Variants in NRCAM observed in about 807,000 individuals in gnomAD.
NRCAM encodes NgCAM-related cell adhesion molecule.
A neutral mutation model predicts 156.5 loss-of-function variants in NRCAM; 83 were observed. The ratio of observed to expected loss-of-function variants is 0.53; its 90% CI spans 0.44 to 0.64. The LOEUF (loss-of-function observed/expected upper bound fraction) is 0.64. Among genes scored for constraint, NRCAM ranks in the 30% least tolerant of loss-of-function variants. NRCAM has a pLI of 0.00. For missense variants in NRCAM, 1,417 were observed against 1,597.3 expected (o/e 0.89, Z 1.92); for synonymous variants, 538 against 563.9 (o/e 0.95, Z 0.65).
At chr7:108,159,402 T>C in intron 32 of NRCAM, 61 bp downstream of exon 32, 1 of 1,429,522 alleles carries the variant, frequency 7.0e-7, no homozygotes, top group South Asian at 1.2e-5. Flanking sequence ...GGCTGAGTTC[T>C]ATTCTCGGGA....
chr7:108,409,913 ATCTT>A (rs1291596054), intron 1 of NRCAM, among the ~76,000 whole-genome samples: 5 of 152,186 alleles, frequency 3.3e-5, no homozygotes, highest in African/African-American at 1.2e-4. Flanking sequence ...TGCATATTAT[ATCTT>A]TCTTTTTAAA....
At chr7:108,212,634 G>A (rs896933069) in intron 11 of NRCAM, among the ~76,000 whole-genome samples, 1 of 152,082 alleles carries the variant, frequency 6.6e-6, no homozygotes, top group Admixed American at 6.5e-5. Flanking sequence ...AACTGAACAA[G>A]TAGAAGAGAG....
intron 2 of NRCAM, among the ~76,000 whole-genome samples, chr7:108,325,333 A>G (rs1410221413): frequency 6.6e-6 from 1 of 152,204 alleles, no homozygotes; most frequent in East Asian, 1.9e-4. Context: ...ATGAAGTGGT[A>G]CATGACTCTA....
chr7:108,199,573 C>A (rs1321293234), intron 13 of NRCAM, among the ~76,000 whole-genome samples: 1 of 152,182 alleles, frequency 6.6e-6, no homozygotes, highest in Non-Finnish European at 1.5e-5. Context: ...TGCCCACATT[C>A]CTTGGCCCAT....
intron 13 of NRCAM, among the ~76,000 whole-genome samples, chr7:108,198,526 T>G (rs2076322092): frequency 6.6e-6 from 1 of 152,138 alleles, no homozygotes. Context: ...CTTACAAGTT[T>G]AGGTGAAAAT....
intron 3 of NRCAM, among the ~76,000 whole-genome samples, chr7:108,258,430 CCTT>C (rs1207501855): frequency 1.3e-5 from 2 of 152,210 alleles, no homozygotes; most frequent in Non-Finnish European, 2.9e-5. Flanking sequence ...TCCTTTTCCT[CCTT>C]CTTTTTACAC....
chr7:108,407,491 C>G (rs1229701431), intron 1 of NRCAM, among the ~76,000 whole-genome samples: 1 of 152,162 alleles, frequency 6.6e-6, no homozygotes, highest in Non-Finnish European at 1.5e-5. Context: ...AGATTGTGAT[C>G]AACTGAACCG....
At chr7:108,439,401 A>G (rs2046997263) in intron 1 of NRCAM, among the ~76,000 whole-genome samples, 1 of 152,224 alleles carries the variant, frequency 6.6e-6, no homozygotes, top group African/African-American at 2.4e-5. Flanking sequence ...ATCAGAAGAT[A>G]AATGACTCCG....
At chr7:108,395,738 T>C (rs2099774926) in intron 2 of NRCAM, among the ~76,000 whole-genome samples, 2 of 152,310 alleles carry the variant, frequency 1.3e-5, no homozygotes, top group East Asian at 3.9e-4. Context: ...AAAACTAACA[T>C]AAATTGCATG....
intron 3 of NRCAM, among the ~76,000 whole-genome samples, chr7:108,279,728 A>AT (rs1206390932): frequency 1.5e-4 from 22 of 146,566 alleles, no homozygotes; most frequent in African/African-American, 2.0e-4. Context: ...CAGCCAACTG[A>AT]TTTTTTTTTC....
intron 3 of NRCAM, among the ~76,000 whole-genome samples, chr7:108,299,142 A>AAAGAAAGAAAGAAAGAAAGAAAG (rs1563164873): frequency 1.3e-5 from 1 of 78,600 alleles, no homozygotes; most frequent in Non-Finnish European, 2.8e-5. Context: ...AAGAAAGAAA[A>AAAGAAAGAAAGAAAGAAAGAAAG]GAAAAGTAAA....
intron 2 of NRCAM, among the ~76,000 whole-genome samples, chr7:108,368,886 A>G (rs563685512): frequency 6.6e-6 from 1 of 152,336 alleles, no homozygotes; most frequent in Admixed American, 6.5e-5. Context: ...CAATAGTACA[A>G]TGAACATGAC....
chr7:108,343,681 T>A (rs1307945086), intron 2 of NRCAM, among the ~76,000 whole-genome samples: 1 of 152,158 alleles, frequency 6.6e-6, no homozygotes, highest in Non-Finnish European at 1.5e-5. Context: ...AGCTAACCAA[T>A]GGAAATTACT....
chr7:108,302,579 A>C (rs2098644073), intron 3 of NRCAM, among the ~76,000 whole-genome samples: 1 of 152,212 alleles, frequency 6.6e-6, no homozygotes, highest in South Asian at 2.1e-4. Context: ...AAATTTAAAC[A>C]AAGTGACAGA....
chr7:108,385,360 T>C (rs1320808758), intron 2 of NRCAM, among the ~76,000 whole-genome samples: 1 of 152,122 alleles, frequency 6.6e-6, no homozygotes, highest in Non-Finnish European at 1.5e-5. Flanking sequence ...CGGAGACGGG[T>C]GTAAACACCC....
At chr7:108,355,879 C>T (rs1039886504) in intron 2 of NRCAM, among the ~76,000 whole-genome samples, 6 of 152,018 alleles carry the variant, frequency 3.9e-5, no homozygotes, top group Non-Finnish European at 7.4e-5. Context: ...CATCACATCA[C>T]GTAGGTATTT....
chr7:108,381,006 T>C (rs999213861), intron 2 of NRCAM, among the ~76,000 whole-genome samples: 1 of 152,044 alleles, frequency 6.6e-6, no homozygotes, highest in African/African-American at 2.4e-5. Flanking sequence ...GGTGTTTGAG[T>C]CCTGTCTGGG....
rs1563351072 is a variant in NRCAM at position 108,191,241 on chromosome 7, CAT to C, written c.1933+11_1933+12del. The C allele has an allele frequency of 5.6e-6, 9 of 1,598,976 alleles. No individual in the cohort carries two copies. The highest frequency in any genetic ancestry group is 7.7e-6 in the Non-Finnish European group (9 of 1,170,606). ...TGACAGAAAACAGAGAAAGAAGACT[CAT>C]ATTAGTTTACCGTAAACGGGAGCTG... On this transcript the variant is annotated intron_variant, in intron 19 of 32. Coordinates refer to ENST00000379028, the MANE Select transcript of NRCAM (RefSeq NM_001037132.4).
At chr7:108,292,383 A>G (rs1261934053) in intron 3 of NRCAM, among the ~76,000 whole-genome samples, 1 of 152,254 alleles carries the variant, frequency 6.6e-6, no homozygotes, top group Non-Finnish European at 1.5e-5. Context: ...TTTAATTTCC[A>G]GTGTTAGAAT....
Sources: allele counts gnomAD v4.1 joint callset (sites outside exome capture counted in the v4.1 genomes callset), GRCh38; gene constraint gnomAD v4.1.1; transcripts MANE v1.5; gene names NCBI Gene and HGNC (gene_info 2026-07-23, HGNC 2026-07-21).